The following ERBIN variants were observed in gnomAD, a reference collection of about 807,000 sequenced individuals.
ERBIN encodes the protein densin-180-like protein.
ERBIN carries 60 observed loss-of-function variants against 158.4 expected under a neutral mutation model. That is an observed-to-expected ratio of 0.38 (90% CI 0.31 to 0.47). The LOEUF (loss-of-function observed/expected upper bound fraction) is 0.47. ERBIN is among the 20% of genes least tolerant of loss of function. The pLI, the probability that ERBIN is intolerant of heterozygous loss-of-function variation, is 0.99. For synonymous variants in ERBIN, 594 were observed against 557.2 expected, an observed-to-expected ratio of 1.07 and a Z score of -0.93; for missense variants, 1,610 against 1,648.0, an observed-to-expected ratio of 0.98 and a Z score of 0.40.
intron 4 of ERBIN, among the ~76,000 whole-genome samples, chr5:66,000,675 C>T (rs1342265734): frequency 6.6e-6 from 1 of 152,152 alleles, no homozygotes; most frequent in Non-Finnish European, 1.5e-5. Context: ...TGATTCCTCA[C>T]ATAGAAGGGA....
intron 3 of ERBIN, 28 bp from the exon 4 acceptor site, chr5:65,994,719 G>T: frequency 8.0e-7 from 1 of 1,248,640 alleles, no homozygotes; most frequent in South Asian, 1.3e-5. Flanking sequence ...GTATATAATT[G>T]ACATTCTTTC....
At position 66,013,568 on chromosome 5, in the gene ERBIN, C is replaced by T. The variant is rs751805109; in HGVS notation, c.406C>T (p.Gln136Ter). ...ATGTAGGCTCCCTGATGGATTTTCT[C>T]AGCTGTTAAACCTAACCCAGTTGTA... ...PISKLPDGFS[Q>*]LLNLTQLYLN... The change falls in exon 6 of 26, where the codon CAG becomes TAG. Residue 136 changes from glutamine (Q) to a stop codon, truncating the protein, a stop_gained. Coordinates refer to ENST00000284037, the MANE Select transcript of ERBIN (RefSeq NM_001253697.2). LOFTEE classifies it high-confidence loss of function. 1 of 1,611,790 alleles carries T rather than the reference C, an allele frequency of 6.2e-7. No individual in the cohort carries two copies. The highest frequency in any genetic ancestry group is 8.5e-7 in the Non-Finnish European group (1 of 1,178,158).
intron 1 of ERBIN, among the ~76,000 whole-genome samples, chr5:65,933,708 C>G (rs1743728275): frequency 6.6e-6 from 1 of 152,126 alleles, no homozygotes; most frequent in African/African-American, 2.4e-5. Context: ...CCCCAGCCTA[C>G]TTTGTATTCT....
At chr5:65,953,446 T>C (rs750946149) in intron 1 of ERBIN, among the ~76,000 whole-genome samples, 7 of 152,212 alleles carry the variant, frequency 4.6e-5, no homozygotes, top group Non-Finnish European at 8.8e-5. Context: ...GTTGTATAGC[T>C]GGAGTGGTAC....
Position 66,080,502 on chromosome 5 carries a change from GCTT to G in ERBIN, c.*1976_*1978del, listed in dbSNP as rs1396416874. The G allele has an allele frequency of 3.3e-5, 5 of 151,110 alleles. No homozygotes were observed. The highest frequency in any genetic ancestry group is 4.9e-5 in the African/African-American group (2 of 41,088). 9.4% of individuals were successfully genotyped at this position (151,110 alleles called of 1,614,324 possible). A position where few individuals can be genotyped will look rare whatever the true frequency, so the allele number is the denominator to read the frequency against. On this transcript the variant is annotated 3_prime_UTR_variant, in exon 26 of 26. Transcript: ENST00000284037. ...CTAAAAAAAAAAAGAATGACAAACA[GCTT>G]CTTTAAGACAAGTCTCGGTGTTCCC...
intron 17 of ERBIN, among the ~76,000 whole-genome samples, chr5:66,045,742 G>T (rs1235267093): frequency 6.6e-6 from 1 of 152,078 alleles, no homozygotes; most frequent in Non-Finnish European, 1.5e-5. Context: ...TGTCAGCATA[G>T]CCTTTAAAAA....
intron 1 of ERBIN, among the ~76,000 whole-genome samples, chr5:65,979,422 G>A (rs1256180003): frequency 6.6e-6 from 1 of 151,936 alleles, no homozygotes; most frequent in Admixed American, 6.6e-5. Flanking sequence ...GACCCTGTCT[G>A]GAAAAAAACC....
intron 15 of ERBIN, among the ~76,000 whole-genome samples, chr5:66,041,928 A>AG (rs1291455050): frequency 1.3e-5 from 2 of 152,026 alleles, no homozygotes; most frequent in African/African-American, 2.4e-5. Flanking sequence ...AGCAATTATA[A>AG]GGGAAAAAAA....
In ERBIN at chr5:66,018,466, A is replaced by ATATATATTATATAT. The variant is rs1188816701; in HGVS notation, c.534-2843_534-2830dup. Among the ~76,000 whole-genome samples the ATATATATTATATAT allele has an allele frequency of 8.6e-3, 47 of 5,496 alleles. 9 individuals carry two copies. The East Asian group carries it at 0.089, about 10-fold the overall frequency. The allele number at this position is 5,496 out of a possible 152,430, so 3.6% of individuals were successfully genotyped here. ...AATATAATATATATTATATTATATAATATATATTATATATTATATATTATA... is the reference window on the plus strand; with the variant it reads ...AATATAATATATATTATATTATATAATATATATTATATATTATATATTATATATTATATATTATA... On this transcript the variant is annotated intron_variant, in intron 7 of 25. Coordinates refer to ENST00000284037, the MANE Select transcript of ERBIN (RefSeq NM_001253697.2).
At chr5:65,980,275 G>C (rs1037873763) in intron 1 of ERBIN, among the ~76,000 whole-genome samples, 1 of 151,968 alleles carries the variant, frequency 6.6e-6, no homozygotes, top group Admixed American at 6.6e-5. Context: ...AATTAGCTGG[G>C]TGTGGTGTTG....
intron 1 of ERBIN, among the ~76,000 whole-genome samples, chr5:65,942,932 T>G (rs1288778773): frequency 1.0e-2 from 144 of 14,468 alleles, no homozygotes; most frequent in South Asian, 0.064. Flanking sequence ...AAAATAGACT[T>G]TAAGTTTTTT....
intron 21 of ERBIN, among the ~76,000 whole-genome samples, chr5:66,055,483 A>T (rs772499740): frequency 5.3e-5 from 8 of 152,138 alleles, no homozygotes; most frequent in Non-Finnish European, 8.8e-5. Context: ...ACTTAAACTC[A>T]GTTAAGTGTT....
chr5:65,945,030 C>A (rs1484816203), intron 1 of ERBIN, among the ~76,000 whole-genome samples: 1 of 152,152 alleles, frequency 6.6e-6, no homozygotes, highest in Non-Finnish European at 1.5e-5. Context: ...GTATCTTGAT[C>A]ACATTTATTG....
At chr5:65,987,281 C>A (rs1431483446) in intron 1 of ERBIN, among the ~76,000 whole-genome samples, 1 of 151,074 alleles carries the variant, frequency 6.6e-6, no homozygotes, top group Non-Finnish European at 1.5e-5. Context: ...ACCTGTAAAC[C>A]CAGCACTTTG....
At position 66,013,630 on chromosome 5, in the gene ERBIN, T is replaced by A. The variant is rs753734504; in HGVS notation, c.468T>A (p.Asn156Lys). 2.5e-6 allele frequency: 4 copies of A among 1,610,718 alleles called. No individual in the cohort carries two copies. Among genetic ancestry groups the A allele is most frequent in the Non-Finnish European group, 3.4e-6 (4 of 1,177,240 alleles). The change falls in exon 6 of 26, where the codon AAT becomes AAA. Residue 156 changes from asparagine (N) to lysine (K), a missense_variant. By Grantham distance (94) the Asn-to-Lys change is moderately conservative. Coordinates refer to ENST00000284037, the MANE Select transcript of ERBIN (RefSeq NM_001253697.2). ...CTTTTCTTGAGTTCTTGCCAGCAAA[T>A]TTTGGCAGGTAAATTATGGTTTCTT... ...NDAFLEFLPA[N>K]FGRLTKLQIL...
intron 1 of ERBIN, among the ~76,000 whole-genome samples, chr5:65,927,442 T>A (rs1303477445): frequency 6.6e-6 from 1 of 152,206 alleles, no homozygotes; most frequent in African/African-American, 2.4e-5. Flanking sequence ...TAGCGCCGTA[T>A]AACTTGTTTA....
chr5:66,013,769 C>T, intron 6 of ERBIN, 131 bp downstream of exon 6: 2 of 567,152 alleles, frequency 3.5e-6, no homozygotes, highest in South Asian at 2.6e-5. Flanking sequence ...AGCATTGTGA[C>T]TTTTATACTT....
Position 66,025,969 on chromosome 5 carries a change from C to T in ERBIN, c.1012C>T (p.Pro338Ser), listed in dbSNP as rs1756196942. 1.9e-6 allele frequency: 3 copies of T among 1,579,232 alleles called. No individual in the cohort carries two copies. The highest frequency in any genetic ancestry group is 2.8e-5 in the African/African-American group (2 of 72,588). ...TGATCATAATTACTTACAGCAGTTG[C>T]CCCCAGAGGTAATGTATTTTAGATT... ...AADHNYLQQL[P>S]PEIGSWKNIT... is the part of the protein sequence containing the mutation. The change falls in exon 12 of 26, where the codon CCC becomes TCC. Residue 338 changes from proline (P) to serine (S), a missense_variant. Physicochemically the swap from Pro to Ser is moderately conservative, Grantham distance 74. Coordinates refer to ENST00000284037, the MANE Select transcript of ERBIN (RefSeq NM_001253697.2).
At position 66,076,680 on chromosome 5, in the gene ERBIN, C is replaced by G. The variant is rs1260533542; in HGVS notation, c.4057-195C>G. ...CACCTATAAAAGTAATTTTATTACTCTCAAGAGAAATCACTAAAGTCAGAA... is the reference window on the plus strand; with the variant it reads ...CACCTATAAAAGTAATTTTATTACTGTCAAGAGAAATCACTAAAGTCAGAA... On this transcript the variant is annotated intron_variant, in intron 24 of 25. Transcript: ENST00000284037. The G allele has an allele frequency of 9.9e-6, 6 of 603,856 alleles. No individual in the cohort carries two copies. In the East Asian group the frequency reaches 1.5e-4, roughly 15 times the overall value. 37.4% of individuals were successfully genotyped at this position (603,856 alleles called of 1,614,324 possible).
Sources: gnomAD v4.1 joint callset for allele counts (sites outside exome capture counted in the v4.1 genomes callset) on GRCh38, gnomAD v4.1.1 for gene constraint, MANE v1.5 for transcripts, NCBI Gene and HGNC (gene_info 2026-07-23, HGNC 2026-07-21) for gene names.